MBNL2: variants seen among roughly 807,000 people sequenced by gnomAD.
MBNL2 encodes muscleblind like splicing regulator 2.
Under a neutral mutation model 41.9 loss-of-function variants are expected in MBNL2, and 17 were observed. The observed-to-expected ratio is 0.41, with a 90% CI of 0.28 to 0.61. The LOEUF is 0.61. Among genes scored for constraint, MBNL2 ranks in the 20% least tolerant of loss-of-function variants. The pLI, the probability that MBNL2 is intolerant of heterozygous loss-of-function variation, is 0.35. For missense variants in MBNL2, 336 were observed against 505.6 expected, an observed-to-expected ratio of 0.66 and a Z score of 3.22; for synonymous variants, 195 against 182.9, an observed-to-expected ratio of 1.07 and a Z score of -0.53.
intron 8 of MBNL2, among the ~76,000 whole-genome samples, chr13:97,384,884 T>G (rs1214145992): frequency 6.6e-6 from 1 of 152,200 alleles, no homozygotes; most frequent in East Asian, 1.9e-4. Flanking sequence ...TGTATTTCCC[T>G]TCTCTGTGAG....
chr13:97,340,273 A>G (rs375536361), intron 3 of MBNL2, among the ~76,000 whole-genome samples: 15 of 152,344 alleles, frequency 9.8e-5, no homozygotes, highest in Non-Finnish European at 2.2e-4. Flanking sequence ...TGCTACATCA[A>G]AAAGGAACAT....
the MBNL2 span, among the ~76,000 whole-genome samples, chr13:97,207,836 A>G: frequency 6.6e-6 from 1 of 152,370 alleles, no homozygotes; most frequent in East Asian, 1.9e-4. Context: ...TAAAATCAAA[A>G]GCAGGTTAGT....
At chr13:97,291,497 A>G (rs1180798436) in intron 2 of MBNL2, among the ~76,000 whole-genome samples, 1 of 152,050 alleles carries the variant, frequency 6.6e-6, no homozygotes, top group Non-Finnish European at 1.5e-5. Flanking sequence ...CACCTCAGGT[A>G]GAATTATTAA....
intron 8 of MBNL2, among the ~76,000 whole-genome samples, chr13:97,390,724 A>G (rs899834703): frequency 6.6e-6 from 1 of 152,204 alleles, no homozygotes; most frequent in African/African-American, 2.4e-5. Flanking sequence ...AACTGCCTTA[A>G]TAGACTGTTA....
At chr13:97,358,043 A>C (rs2063127027) in intron 7 of MBNL2, among the ~76,000 whole-genome samples, 1 of 152,212 alleles carries the variant, frequency 6.6e-6, no homozygotes, top group Admixed American at 6.5e-5. Flanking sequence ...CAGAGCACTA[A>C]AACAATGAGG....
In MBNL2 at chr13:97,276,474, A is replaced by G. The variant is rs983672561; in HGVS notation, c.174+65A>G. The G allele has an allele frequency of 2.8e-6, 4 of 1,431,824 alleles. No homozygotes were observed. The Admixed American group carries it at 7.3e-5, about 26-fold the overall frequency. 88.7% of individuals were successfully genotyped at this position (1,431,824 alleles called of 1,614,324 possible). ...TGGAATTGCAAACAGAAGGCTTTTC[A>G]TTGCATTTTTACAGAAGTTTAAAAA... On this transcript the variant is annotated intron_variant, in intron 2 of 8. Transcript: ENST00000679496.
At chr13:97,303,281 G>A (rs527706443) in intron 2 of MBNL2, among the ~76,000 whole-genome samples, 1 of 152,282 alleles carries the variant, frequency 6.6e-6, no homozygotes, top group South Asian at 2.1e-4. Flanking sequence ...TTGGATGGCA[G>A]AAGTCACAAG....
At chr13:97,329,322 T>C (rs2060172207) in intron 2 of MBNL2, among the ~76,000 whole-genome samples, 1 of 152,148 alleles carries the variant, frequency 6.6e-6, no homozygotes, top group Non-Finnish European at 1.5e-5. Flanking sequence ...CAATATAAAC[T>C]ATAATAAAAT....
At chr13:97,160,186 G>A in the MBNL2 span, among the ~76,000 whole-genome samples, 35 of 152,214 alleles carry the variant, frequency 2.3e-4, no homozygotes, top group Admixed American at 3.3e-4. Context: ...TTAATTCTAC[G>A]GTGAAAGAGC....
chr13:97,171,936 G>A, the MBNL2 span, among the ~76,000 whole-genome samples: 3 of 152,164 alleles, frequency 2.0e-5, no homozygotes, highest in Non-Finnish European at 2.9e-5. Flanking sequence ...CTGCTGCTAT[G>A]TAAGATGTGC....
rs954596279 is a variant in MBNL2, at chr13:97,346,330, G to T, written c.541-474G>T. Among the ~76,000 whole-genome samples, 4 of 152,014 alleles carry T rather than the reference G, an allele frequency of 2.6e-5. No individual in the cohort carries two copies. Among genetic ancestry groups the T allele is most frequent in the African/African-American group, 9.7e-5 (4 of 41,380 alleles). On this transcript the variant is annotated intron_variant, in intron 4 of 8. Coordinates refer to ENST00000679496, the MANE Select transcript of MBNL2 (RefSeq NM_001382683.1). This position sits in a 1 kb window ranked among gnomAD's most constrained non-coding sequence, Gnocchi z 4.2. ...ATAATAGATAATAGAGGGATAGATT[G>T]ATAGATGATAGATAATAGATGATGG...
At chr13:97,187,556 T>C in the MBNL2 span, among the ~76,000 whole-genome samples, 1 of 137,710 alleles carries the variant, frequency 7.3e-6, no homozygotes, top group African/African-American at 2.7e-5. Context: ...ACCTGTCTGT[T>C]GCCTTCTGCC....
intron 2 of MBNL2, among the ~76,000 whole-genome samples, chr13:97,325,392 T>G (rs2059826996): frequency 6.6e-6 from 1 of 152,158 alleles, no homozygotes; most frequent in South Asian, 2.1e-4. Flanking sequence ...AAGACACAAG[T>G]AGTATGAGAA....
chr13:97,339,438 G>T (rs1305403557), intron 3 of MBNL2, among the ~76,000 whole-genome samples: 3 of 152,208 alleles, frequency 2.0e-5, no homozygotes, highest in South Asian at 4.1e-4. Context: ...CTTCAAGAAG[G>T]CTTCCCGCGA....
upstream of MBNL2, among the ~76,000 whole-genome samples, chr13:97,220,970 G>A (rs1275590400): frequency 6.6e-6 from 1 of 152,190 alleles, no homozygotes; most frequent in Admixed American, 6.5e-5. Context: ...AAGCCTGCAA[G>A]TTAGGATATG....
In MBNL2 at chr13:97,334,589, A is replaced by AG; in HGVS notation, c.339+151dup. ...TAAAGCTCAATAGATGAAGGAAAAT[A>AG]GGCTTTTAAAAAAATTAATAGAAAA... On this transcript the variant is annotated intron_variant, in intron 3 of 8. Coordinates refer to ENST00000679496, the MANE Select transcript of MBNL2 (RefSeq NM_001382683.1). This position sits in a 1 kb window ranked among gnomAD's most constrained non-coding sequence, Gnocchi z 5.3. 2.1e-6 allele frequency: 1 copy of AG among 472,278 alleles called. No individual in the cohort carries two copies. The highest frequency in any genetic ancestry group is 3.6e-6 in the Non-Finnish European group (1 of 274,702). The allele number at this position is 472,278 out of a possible 1,614,324, so 29.3% of individuals were successfully genotyped here.
chr13:97,375,948 A>G (rs1464047886), intron 8 of MBNL2, among the ~76,000 whole-genome samples: 1 of 152,118 alleles, frequency 6.6e-6, no homozygotes, highest in East Asian at 1.9e-4. Context: ...GGGCAGTCCT[A>G]GAAATTGCAG....
In MBNL2 at chr13:97,393,755, A is replaced by AGTCT. The variant is rs1287846313; in HGVS notation, c.*2308_*2311dup. ...TGCCAAAAGTTTGTTTATATTCAGA[A>AGTCT]GTCTGACTATGATGAATAAATCTTA... On this transcript the variant is annotated 3_prime_UTR_variant, in exon 9 of 9. Transcript: ENST00000679496. 2.0e-5 allele frequency: 3 copies of AGTCT among 152,532 alleles called. No homozygotes were observed. The highest frequency in any genetic ancestry group is 2.9e-5 in the Non-Finnish European group (2 of 67,978). The allele number at this position is 152,532 out of a possible 1,614,324, so 9.4% of individuals were successfully genotyped here. A position where few individuals can be genotyped will look rare whatever the true frequency, so the allele number is the denominator to read the frequency against.
intron 5 of MBNL2, among the ~76,000 whole-genome samples, chr13:97,355,609 G>GTT (rs575914371): frequency 6.8e-5 from 10 of 148,012 alleles, no homozygotes; most frequent in Non-Finnish European, 9.0e-5. Flanking sequence ...AGAATTTTTA[G>GTT]TTTTTTTTTT....
Sources: gnomAD v4.1 joint callset for allele counts (sites outside exome capture counted in the v4.1 genomes callset) on GRCh38, gnomAD v4.1.1 for gene constraint, Gnocchi (gnomAD v3.1) non-coding constraint, MANE v1.5 for transcripts, NCBI Gene and HGNC (gene_info 2026-07-23, HGNC 2026-07-21) for gene names.